ZFHX3: variants seen among roughly 807,000 people sequenced by gnomAD.
The protein encoded by ZFHX3 is zinc finger homeobox 3.
A neutral mutation model predicts 279.1 loss-of-function variants in ZFHX3; 42 were observed. The ratio of observed to expected loss-of-function variants is 0.15; its 90% confidence interval spans 0.12 to 0.19. The LOEUF (loss-of-function observed/expected upper bound fraction) is 0.19, where lower values mean the gene tolerates loss of function less well. Among genes scored for constraint, ZFHX3 ranks in the 10% least tolerant of loss-of-function variants. The probability of loss-of-function intolerance (pLI) is 1.00; values close to 1 mark genes in which losing one functional copy is unlikely to be tolerated. For synonymous variants in ZFHX3, 2,293 were observed against 1,957.8 expected (o/e 1.17, Z -4.52); for missense variants, 4,981 against 4,754.0 (o/e 1.05, Z -1.40).
At chr16:73,620,805 C>T (rs570633932) in intron 2 of ZFHX3, among the ~76,000 whole-genome samples, 1 of 152,292 alleles carries the variant, frequency 6.6e-6, no homozygotes, top group South Asian at 2.1e-4. Flanking sequence ...CAAGAATAAA[C>T]ATTTCAAAAC....
chr16:73,042,804 A>C (rs906030267), intron 1 of ZFHX3, among the ~76,000 whole-genome samples: 14 of 152,050 alleles, frequency 9.2e-5, no homozygotes, highest in African/African-American at 3.4e-4. Flanking sequence ...CTTCCAGTCC[A>C]AGTCTCCCTG....
rs778725468 is a variant in ZFHX3 at position 72,795,220 on chromosome 16, G to C, written c.7462C>G (p.Pro2488Ala). Residue 2488 changes from proline (P) to alanine (A), a missense_variant, in exon 9 of 10, where the codon CCC (proline) becomes GCC (alanine). By Grantham distance (27) the Pro-to-Ala change is conservative (BLOSUM62 -1). Coordinates refer to ENST00000268489, the MANE Select transcript of ZFHX3 (RefSeq NM_006885.4). ...PSLPQPPPQA[P>A]PPQCPLPQSS... is the part of the protein sequence containing the mutation. ...TGGGGTAAGGGGCACTGTGGAGGGG[G>C]CGCTTGTGGAGGAGGCTGTGGCAAC... 1.7e-5 allele frequency: 28 copies of C among 1,608,040 alleles called. No homozygotes were observed. Among genetic ancestry groups the C allele is most frequent in the Non-Finnish European group, 2.2e-5 (26 of 1,176,910 alleles).
At chr16:73,769,343 A>G (rs1188327597) in intron 1 of ZFHX3, among the ~76,000 whole-genome samples, 1 of 152,222 alleles carries the variant, frequency 6.6e-6, no homozygotes, top group African/African-American at 2.4e-5. Context: ...GCAAGCTGCT[A>G]GGCCCCTAAC....
intron 5 of ZFHX3, among the ~76,000 whole-genome samples, chr16:72,819,310 G>C (rs1386386564): frequency 7.1e-6 from 1 of 141,640 alleles, no homozygotes; most frequent in Non-Finnish European, 1.5e-5. Context: ...CTTTAGGAAA[G>C]CTCCATGCCT....
At chr16:73,594,824 T>C (rs546978972) in intron 2 of ZFHX3, among the ~76,000 whole-genome samples, 1 of 152,362 alleles carries the variant, frequency 6.6e-6, no homozygotes, top group South Asian at 2.1e-4. Context: ...AAATGTGCTT[T>C]TGTTTCCAAG....
chr16:72,927,278 T>C (rs1031481284), intron 3 of ZFHX3, among the ~76,000 whole-genome samples: 1 of 152,238 alleles, frequency 6.6e-6, no homozygotes, highest in African/African-American at 2.4e-5. Context: ...GTCTTCTCCC[T>C]GTGTCACAGT....
At chr16:72,915,409 G>C (rs917573897) in intron 3 of ZFHX3, among the ~76,000 whole-genome samples, 1 of 152,128 alleles carries the variant, frequency 6.6e-6, no homozygotes, top group African/African-American at 2.4e-5. Context: ...GATCAGCGTG[G>C]CGGGCCTCTG....
chr16:72,960,023 C>A lies in ZFHX3; in HGVS notation c.123G>T (p.Gln41His). The change falls in exon 2 of 10, where the codon CAG becomes CAT. Residue 41 changes from glutamine (Q) to histidine (H), a missense_variant. By Grantham distance (24) the Gln-to-His change is conservative (BLOSUM62 0). Around this residue, in one of 7 missense-constraint regions of ZFHX3, gnomAD observed 1,068 missense variants for 935.2 expected, o/e 1.14. Transcript: ENST00000268489. ...AGGGCCCGTGGCTCTCGCCTGTGGA[C>A]TGCTCCATGCTACTGGGTTTGTCAG... ...HLPDKPSSME[Q>H]STGESHGPLD... 1 of 1,613,970 alleles carries A rather than the reference C, an allele frequency of 6.2e-7. No homozygotes were observed. The highest frequency in any genetic ancestry group is 8.5e-7 in the Non-Finnish European group (1 of 1,179,922).
chr16:73,651,134 T>TA (rs889210140), intron 2 of ZFHX3, among the ~76,000 whole-genome samples: 4 of 146,974 alleles, frequency 2.7e-5, no homozygotes, highest in Non-Finnish European at 6.0e-5. Context: ...GAAATTGAAA[T>TA]AAAAAACACA....
chr16:72,950,843 C>T lies in ZFHX3; in HGVS notation c.2842G>A (p.Ala948Thr), dbSNP rs1337540676. The stretch of plus-strand genomic sequence containing the variant: ...TCCGTCGTGAACTTGTTGCAGACGG[C>T]GCACTGGAAGAGCTTCAGCGACGGG... ...NDPSLKLFQC[A>T]VCNKFTTDNL... Residue 948 changes from alanine to threonine, a missense_variant, in exon 3 of 10, where the codon GCC becomes ACC. Transcript: ENST00000268489. 1.2e-5 allele frequency: 20 copies of T among 1,614,112 alleles called. No homozygotes were observed. The highest frequency in any genetic ancestry group is 6.7e-5 in the East Asian group (3 of 44,886).
chr16:72,845,132 G>A (rs1294432784), intron 4 of ZFHX3, among the ~76,000 whole-genome samples: 1 of 152,154 alleles, frequency 6.6e-6, no homozygotes, highest in African/African-American at 2.4e-5. Context: ...TGGAAAAGCA[G>A]CTCCAAGCGG....
chr16:73,571,657 T>C (rs1597005180), intron 2 of ZFHX3, among the ~76,000 whole-genome samples: 2 of 152,290 alleles, frequency 1.3e-5, no homozygotes, highest in East Asian at 3.9e-4. Context: ...TAAAAAACCT[T>C]CAATAATAAT....
At chr16:73,033,407 G>GC (rs1033449724) in intron 1 of ZFHX3, among the ~76,000 whole-genome samples, 2 of 152,048 alleles carry the variant, frequency 1.3e-5, no homozygotes, top group African/African-American at 2.4e-5. Flanking sequence ...CTCCCCCGCC[G>GC]CCCCCCAGCA....
intron 1 of ZFHX3, among the ~76,000 whole-genome samples, chr16:73,863,070 G>A (rs890413550): frequency 6.6e-6 from 1 of 152,166 alleles, no homozygotes; most frequent in Admixed American, 6.5e-5. Flanking sequence ...GCTGGGCGTG[G>A]TGGCAGGCGC....
intron 5 of ZFHX3, among the ~76,000 whole-genome samples, chr16:73,252,944 C>T (rs922203497): frequency 6.6e-5 from 10 of 152,174 alleles, no homozygotes; most frequent in African/African-American, 2.4e-4. Flanking sequence ...GACCTTTTCT[C>T]CAGCAGAGAA....
At chr16:73,168,211 T>TTTTCTTTTTCTTTCTTTCTTTCTCTTTC (rs1555502324) in intron 5 of ZFHX3, among the ~76,000 whole-genome samples, 2 of 95,222 alleles carry the variant, frequency 2.1e-5, no homozygotes, top group African/African-American at 8.0e-5. Flanking sequence ...GTTTCTTTTG[T>TTTTCTTTTTCTTTCTTTCTTTCTCTTTC]TTTCTTTCTT....
At chr16:73,197,988 A>T (rs1968189881) in intron 5 of ZFHX3, among the ~76,000 whole-genome samples, 1 of 114,012 alleles carries the variant, frequency 8.8e-6, no homozygotes, top group African/African-American at 3.4e-5. Context: ...CCAAGGCTGG[A>T]GTGCAGTGGC....
rs549647400 is a variant in ZFHX3 at position 73,748,289 on chromosome 16, A to G, written c.-1607-68049T>C. 6.6e-5 allele frequency among the ~76,000 whole-genome samples: 10 copies of G among 152,356 alleles called. No homozygotes were observed. In the East Asian group the frequency reaches 1.7e-3, roughly 26 times the overall value. On this transcript the variant is annotated intron_variant, in intron 1 of 17. Transcript: ENST00000641206. ...AAACTAACTACATGTCATACAAAAG[A>G]AAAACAGGTCTCTGCTTCTGTTCTG... is the stretch of plus-strand genomic sequence containing the variant.
In ZFHX3 at chr16:72,788,634, T is replaced by A. The variant is rs763778945; in HGVS notation, c.9642A>T (p.Pro3214=). ...GTGGTGTGGGTGGCGGCTGGGCTGC[T>A]GGCGGCGGGGGAGGCTGCTGCACCT... ...QPQVQQPPPP[P]AAQPPPTPQL... Residue 3214 remains proline (P), a synonymous_variant, in exon 10 of 10, where the codon CCA becomes CCT. Coordinates refer to ENST00000268489, the MANE Select transcript of ZFHX3 (RefSeq NM_006885.4). 6.2e-7 allele frequency: 1 copy of A among 1,613,312 alleles called. No individual in the cohort carries two copies. Among genetic ancestry groups the A allele is most frequent in the Non-Finnish European group, 8.5e-7 (1 of 1,179,726 alleles).
Sources: allele counts gnomAD v4.1 joint callset (sites outside exome capture counted in the v4.1 genomes callset), GRCh38; gene constraint gnomAD v4.1.1; regional missense constraint gnomAD v4.1.1; transcripts MANE v1.5; gene names NCBI Gene and HGNC (gene_info 2026-07-23, HGNC 2026-07-21).